Variants in NFIL3 observed in about 807,000 individuals in gnomAD.
NFIL3 encodes the protein nuclear factor, interleukin 3 regulated.
Under a neutral mutation model 10.0 loss-of-function variants are expected in NFIL3, and 5 were observed. That is an observed-to-expected ratio of 0.50 (90% CI 0.26 to 1.06). NFIL3 has a LOEUF of 1.06. NFIL3 is among the 50% of genes least tolerant of loss of function. The pLI is 0.13. For synonymous variants in NFIL3, 202 were observed against 206.5 expected (o/e 0.98, Z 0.19); for missense variants, 436 against 547.6 (o/e 0.80, Z 2.03).
chr9:91,443,756 G>A, the NFIL3 span, among the ~76,000 whole-genome samples: 1 of 152,284 alleles, frequency 6.6e-6, no homozygotes, highest in South Asian at 2.1e-4. Context: ...AAGGGGGCAG[G>A]GCTCCCACCT....
Position 91,410,685 on chromosome 9 carries a change from T to G in NFIL3, c.50A>C (p.Asp17Ala). The G allele has an allele frequency of 3.1e-6, 5 of 1,610,264 alleles. No homozygotes were observed. The highest frequency in any genetic ancestry group is 4.2e-6 in the Non-Finnish European group (5 of 1,178,952). ...QTVKKEQASL[D>A]ASSNVDKMMV... ...CATCTTGTCCACATTGCTACTGGCA[T>G]CAAGAGACGCCTGCTCCTTTTTGAC... The change falls in exon 2 of 2, where the codon GAT (aspartate) becomes GCT (alanine). Residue 17 changes from aspartate to alanine, a missense_variant. Physicochemically the swap from Asp to Ala is moderately radical, Grantham distance 126. Coordinates refer to ENST00000297689, the MANE Select transcript of NFIL3 (RefSeq NM_005384.3). The surrounding 1 kb of genome is among the most constrained non-coding windows in gnomAD (Gnocchi z 5.7).
the NFIL3 span, among the ~76,000 whole-genome samples, chr9:91,455,638 A>G: frequency 1.3e-5 from 2 of 152,152 alleles, no homozygotes; most frequent in African/African-American, 4.8e-5. Flanking sequence ...ATAGTTGACA[A>G]AAAGGTTTAT....
chr9:91,439,767 G>T, the NFIL3 span, among the ~76,000 whole-genome samples: 2 of 152,084 alleles, frequency 1.3e-5, no homozygotes, highest in African/African-American at 4.8e-5. Flanking sequence ...CAATTCAGAG[G>T]ATCAGATGGT....
chr9:91,414,098 T>A (rs542251533), intron 1 of NFIL3, among the ~76,000 whole-genome samples: 21 of 152,346 alleles, frequency 1.4e-4, no homozygotes, highest in African/African-American at 5.1e-4. Context: ...ATAGCCCCAT[T>A]TGTCTTAAAA....
At chr9:91,439,908 G>C in the NFIL3 span, among the ~76,000 whole-genome samples, 1 of 151,988 alleles carries the variant, frequency 6.6e-6, no homozygotes, top group Non-Finnish European at 1.5e-5. Flanking sequence ...TGTTGAATTC[G>C]GTTTGATAAT....
chr9:91,437,138 T>A, the NFIL3 span, among the ~76,000 whole-genome samples: 1 of 152,164 alleles, frequency 6.6e-6, no homozygotes, highest in Non-Finnish European at 1.5e-5. Flanking sequence ...CCACCGCTCA[T>A]CTCCTGCTGT....
chr9:91,482,540 C>T, the NFIL3 span, among the ~76,000 whole-genome samples: 4 of 151,984 alleles, frequency 2.6e-5, no homozygotes, highest in African/African-American at 9.7e-5. Context: ...GCTCTTGTCG[C>T]CCAGGCTGGA....
At chr9:91,460,271 C>CTTTTTTTTTTTTTTTTTTTTTTT in the NFIL3 span, among the ~76,000 whole-genome samples, 132 of 70,408 alleles carry the variant, frequency 1.9e-3, 35 homozygotes, top group Middle Eastern at 8.8e-3. Context: ...GGGCTTGGTT[C>CTTTTTTTTTTTTTTTTTTTTTTT]TTTTTTTTTT....
chr9:91,454,149 G>A, the NFIL3 span, among the ~76,000 whole-genome samples: 1 of 150,744 alleles, frequency 6.6e-6, no homozygotes, highest in Non-Finnish European at 1.5e-5. Flanking sequence ...CAGGAGAATC[G>A]CTTGAACCCG....
At chr9:91,414,405 GTTAGTAGAGATGGGGT>G (rs1248198550) in intron 1 of NFIL3, among the ~76,000 whole-genome samples, 2 of 152,160 alleles carry the variant, frequency 1.3e-5, no homozygotes, top group Admixed American at 6.5e-5. Context: ...GTTTCTCCAT[GTTAGTAGAGATGGGGT>G]TTAGTAGAGA....
upstream of NFIL3, among the ~76,000 whole-genome samples, chr9:91,424,436 G>T (rs1833842279): frequency 6.6e-6 from 1 of 152,200 alleles, no homozygotes; most frequent in African/African-American, 2.4e-5. Flanking sequence ...GGAAGGCGGG[G>T]GGTGGCGGCT....
At chr9:91,416,183 C>T (rs1833653667) in intron 1 of NFIL3, among the ~76,000 whole-genome samples, 1 of 147,332 alleles carries the variant, frequency 6.8e-6, no homozygotes, top group African/African-American at 2.5e-5. Flanking sequence ...TTAACAAATC[C>T]AAGAGTGTAA....
intron 1 of NFIL3, among the ~76,000 whole-genome samples, chr9:91,415,440 C>T (rs568612679): frequency 5.9e-5 from 9 of 152,234 alleles, no homozygotes; most frequent in South Asian, 4.1e-4. Flanking sequence ...AATGGCAGAG[C>T]GTACATTCAG....
chr9:91,472,383 C>T, the NFIL3 span, among the ~76,000 whole-genome samples: 4 of 152,188 alleles, frequency 2.6e-5, no homozygotes, highest in African/African-American at 9.7e-5. Flanking sequence ...TCCCATATTT[C>T]TTGGAGGCTT....
chr9:91,412,098 C>CAAAAAAAAAAAAAAAAAAAAAAA (rs56891881), intron 1 of NFIL3, among the ~76,000 whole-genome samples: 1 of 76,872 alleles, frequency 1.3e-5, no homozygotes, highest in Non-Finnish European at 2.6e-5. Context: ...AAGACTCTGT[C>CAAAAAAAAAAAAAAAAAAAAAAA]AAAAAAAAAA....
chr9:91,432,121 G>A, the NFIL3 span, among the ~76,000 whole-genome samples: 1 of 152,192 alleles, frequency 6.6e-6, no homozygotes, highest in Admixed American at 6.5e-5. Context: ...GGCTACCGGG[G>A]CAGGTGACAC....
intron 1 of NFIL3, among the ~76,000 whole-genome samples, chr9:91,411,224 G>GA (rs1159285988): frequency 6.6e-6 from 1 of 152,180 alleles, no homozygotes; most frequent in Non-Finnish European, 1.5e-5. Context: ...GCGAAATGGA[G>GA]AAATAGTTGG....
At chr9:91,433,535 A>G in the NFIL3 span, among the ~76,000 whole-genome samples, 1 of 152,246 alleles carries the variant, frequency 6.6e-6, no homozygotes, top group Admixed American at 6.5e-5. Flanking sequence ...AACGGGCATA[A>G]TAAGAAGTTG....
chr9:91,478,261 T>C, the NFIL3 span, among the ~76,000 whole-genome samples: 17 of 152,186 alleles, frequency 1.1e-4, no homozygotes, highest in Non-Finnish European at 2.1e-4. Context: ...CTTGGTTCCA[T>C]TCTCCCCGTC....
Sources: gnomAD v4.1 joint callset for allele counts (sites outside exome capture counted in the v4.1 genomes callset) on GRCh38, gnomAD v4.1.1 for gene constraint, Gnocchi (gnomAD v3.1) non-coding constraint, MANE v1.5 for transcripts, NCBI Gene and HGNC (gene_info 2026-07-23, HGNC 2026-07-21) for gene names.